The following PATJ variants were observed in gnomAD, a reference collection of about 807,000 sequenced individuals.
PATJ encodes inaD-like protein.
PATJ carries 190 observed loss-of-function variants against 224.9 expected under a neutral mutation model. That is an observed-to-expected ratio of 0.84 (90% CI 0.75 to 0.95). The LOEUF (loss-of-function observed/expected upper bound fraction) is 0.95. PATJ is among the 40% of genes least tolerant of loss of function. PATJ has a pLI of 0.00. For synonymous variants in PATJ, 769 were observed against 820.3 expected, an observed-to-expected ratio of 0.94 and a Z score of 1.07; for missense variants, 2,121 against 2,270.3, an observed-to-expected ratio of 0.93 and a Z score of 1.34.
intron 27 of PATJ, among the ~76,000 whole-genome samples, chr1:61,930,754 C>G (rs1675906782): frequency 6.6e-6 from 1 of 152,106 alleles, no homozygotes. Context: ...GTTGCCCAGG[C>G]TGGCATGCAG....
intron 33 of PATJ, among the ~76,000 whole-genome samples, chr1:62,088,964 T>A (rs1309142577): frequency 6.6e-6 from 1 of 151,312 alleles, no homozygotes; most frequent in African/African-American, 2.4e-5. Context: ...CCCGAGGAGG[T>A]GTTCATGAAT....
intron 28 of PATJ, among the ~76,000 whole-genome samples, chr1:62,004,688 T>G (rs1645986666): frequency 6.6e-6 from 1 of 152,196 alleles, no homozygotes; most frequent in Non-Finnish European, 1.5e-5. Context: ...AGTAATGTAT[T>G]AGGCATGTGT....
intron 14 of PATJ, among the ~76,000 whole-genome samples, chr1:61,819,416 A>G (rs898709099): frequency 6.6e-6 from 1 of 151,854 alleles, no homozygotes; most frequent in Non-Finnish European, 1.5e-5. Flanking sequence ...CTTTTTGCCT[A>G]TTTATTTGTC....
intron 42 of PATJ, among the ~76,000 whole-genome samples, chr1:62,149,139 A>G (rs1668373395): frequency 6.7e-6 from 1 of 148,960 alleles, no homozygotes; most frequent in South Asian, 2.2e-4. Flanking sequence ...AAAAAAAAAA[A>G]AAAAAAAAGA....
At chr1:62,141,429 C>T (rs1667482231) in intron 41 of PATJ, among the ~76,000 whole-genome samples, 1 of 152,152 alleles carries the variant, frequency 6.6e-6, no homozygotes, top group Non-Finnish European at 1.5e-5. Context: ...AATCCCAGCA[C>T]TTTGGGAGGC....
chr1:62,080,209 T>C (rs1437526195), intron 32 of PATJ, among the ~76,000 whole-genome samples: 1 of 152,232 alleles, frequency 6.6e-6, no homozygotes, highest in Non-Finnish European at 1.5e-5. Flanking sequence ...GTTTGAAGAA[T>C]GTTGATTTTC....
intron 6 of PATJ, among the ~76,000 whole-genome samples, chr1:61,773,273 C>T (rs1646721488): frequency 6.6e-6 from 1 of 152,034 alleles, no homozygotes; most frequent in African/African-American, 2.4e-5. Flanking sequence ...CTGCCCACCT[C>T]GGCTTCCAAA....
chr1:61,871,074 T>G (rs1436287902), intron 20 of PATJ, among the ~76,000 whole-genome samples: 1 of 150,050 alleles, frequency 6.7e-6, no homozygotes, highest in African/African-American at 2.4e-5. Flanking sequence ...GTTTTTGTTT[T>G]TTTTGTTTTT....
intron 33 of PATJ, among the ~76,000 whole-genome samples, chr1:62,107,191 A>G (rs960001762): frequency 5.8e-4 from 89 of 152,174 alleles, no homozygotes; most frequent in African/African-American, 2.1e-3. Flanking sequence ...CTGTAGTCCC[A>G]GCTACTCAGG....
chr1:62,049,550 G>A (rs778591164), intron 30 of PATJ, among the ~76,000 whole-genome samples: 3 of 151,992 alleles, frequency 2.0e-5, no homozygotes, highest in Non-Finnish European at 4.4e-5. Flanking sequence ...AAAAGTCCAG[G>A]TAAGTACAAT....
intron 35 of PATJ, chr1:62,114,796 T>C (rs1466267514): frequency 6.5e-6 from 1 of 154,104 alleles, no homozygotes; most frequent in Non-Finnish European, 1.4e-5. Context: ...CTCAGCTATG[T>C]GGGAAGATCA....
chr1:61,795,047 A>C (rs1454430196), intron 9 of PATJ, among the ~76,000 whole-genome samples: 1 of 149,514 alleles, frequency 6.7e-6, no homozygotes, highest in Non-Finnish European at 1.5e-5. Flanking sequence ...TAACATGAGC[A>C]GTGATCTAAA....
At chr1:61,876,078 T>G (rs922596909) in intron 21 of PATJ, among the ~76,000 whole-genome samples, 8 of 152,150 alleles carry the variant, frequency 5.3e-5, no homozygotes, top group Admixed American at 5.2e-4. Context: ...AGTCTTTCTC[T>G]GTGTTGTATA....
intron 29 of PATJ, among the ~76,000 whole-genome samples, chr1:62,037,246 A>G (rs1375410918): frequency 6.6e-6 from 1 of 152,186 alleles, no homozygotes; most frequent in Non-Finnish European, 1.5e-5. Flanking sequence ...TAATGGGTAT[A>G]ATGACTATAA....
chr1:61,932,793 G>A (rs762405811), intron 27 of PATJ, among the ~76,000 whole-genome samples: 3 of 152,106 alleles, frequency 2.0e-5, no homozygotes, highest in Non-Finnish European at 2.9e-5. Context: ...CCAACTAGTC[G>A]GGAGGCTGAG....
chr1:61,872,762 C>G (rs1262150741), intron 20 of PATJ, among the ~76,000 whole-genome samples: 2 of 152,188 alleles, frequency 1.3e-5, no homozygotes, highest in Admixed American at 1.3e-4. Context: ...GAGGCCCACT[C>G]AGTCCTCTCT....
intron 21 of PATJ, among the ~76,000 whole-genome samples, chr1:61,881,849 T>C (rs1668144022): frequency 6.6e-6 from 1 of 152,206 alleles, no homozygotes; most frequent in African/African-American, 2.4e-5. Context: ...TTTACGAGAT[T>C]ATCAAAGATA....
At chr1:61,921,539 A>G (rs1003855485) in intron 26 of PATJ, among the ~76,000 whole-genome samples, 4 of 152,180 alleles carry the variant, frequency 2.6e-5, no homozygotes, top group Non-Finnish European at 5.9e-5. Flanking sequence ...TAGTTGCAGA[A>G]TTCTTTGTCA....
chr1:61,791,772 A>G (rs1237178289), intron 9 of PATJ, among the ~76,000 whole-genome samples: 1 of 152,148 alleles, frequency 6.6e-6, no homozygotes, highest in East Asian at 1.9e-4. Flanking sequence ...TGATAATTAA[A>G]TTGATTTCTG....
Sources: gnomAD v4.1 joint callset for allele counts (sites outside exome capture counted in the v4.1 genomes callset) on GRCh38, gnomAD v4.1.1 for gene constraint, MANE v1.5 for transcripts, NCBI Gene and HGNC (gene_info 2026-07-23, HGNC 2026-07-21) for gene names.